FSTL4: variants seen among roughly 807,000 people sequenced by gnomAD.
FSTL4 encodes the protein follistatin like 4, also known as follistatin-related protein 4.
FSTL4 carries 28 observed loss-of-function variants against 78.2 expected under a neutral mutation model. The ratio of observed to expected loss-of-function variants is 0.36; its 90% CI spans 0.27 to 0.49. The LOEUF (loss-of-function observed/expected upper bound fraction) is 0.49. FSTL4 is among the 20% of genes least tolerant of loss of function. The probability of loss-of-function intolerance (pLI) is 0.98; values close to 1 mark genes in which losing one functional copy is unlikely to be tolerated. For missense variants in FSTL4, 922 were observed against 1,084.9 expected (o/e 0.85, Z 2.11); for synonymous variants, 422 against 440.5 (o/e 0.96, Z 0.53).
the FSTL4 span, among the ~76,000 whole-genome samples, chr5:133,649,364 T>C: frequency 6.6e-6 from 1 of 152,178 alleles, no homozygotes; most frequent in African/African-American, 2.4e-5. Flanking sequence ...TCAGCTCCCT[T>C]GAGTAAATAC....
chr5:133,516,019 C>T (rs1758844310), intron 3 of FSTL4, among the ~76,000 whole-genome samples: 1 of 151,616 alleles, frequency 6.6e-6, no homozygotes, highest in African/African-American at 2.4e-5. Flanking sequence ...TAAAGAATAC[C>T]AAATCAAACC....
intron 6 of FSTL4, among the ~76,000 whole-genome samples, chr5:133,285,774 A>T (rs1161237069): frequency 6.6e-6 from 1 of 152,210 alleles, no homozygotes; most frequent in Non-Finnish European, 1.5e-5. Context: ...CCCCAGCTGC[A>T]CCCAGCTCAG....
At chr5:133,553,976 T>C (rs1185873170) in intron 3 of FSTL4, among the ~76,000 whole-genome samples, 1 of 152,082 alleles carries the variant, frequency 6.6e-6, no homozygotes, top group Non-Finnish European at 1.5e-5. Flanking sequence ...CCCAAATCCC[T>C]CCTCTGCTAC....
At chr5:133,310,317 T>C (rs971738360) in intron 6 of FSTL4, among the ~76,000 whole-genome samples, 6 of 152,240 alleles carry the variant, frequency 3.9e-5, no homozygotes, top group Non-Finnish European at 1.5e-5. Flanking sequence ...ATGATGATTA[T>C]AAAGCTTTCC....
Position 133,555,662 on chromosome 5 carries a change from A to T in FSTL4, c.160+11524T>A, listed in dbSNP as rs187785303. 5.2e-3 allele frequency among the ~76,000 whole-genome samples: 799 copies of T among 152,200 alleles called. 6 individuals are homozygous for T. Among genetic ancestry groups the T allele is most frequent in the African/African-American group, 0.019 (779 of 41,532 alleles). On this transcript the variant is annotated intron_variant, in intron 3 of 15. Coordinates refer to ENST00000265342, the MANE Select transcript of FSTL4 (RefSeq NM_015082.2). The stretch of plus-strand genomic sequence containing the variant: ...ACAGCTTTACAGGCCTACTGTTTTT[A>T]AAAAATAAACACACACACACAAAAC...
rs78174955 is a variant in FSTL4, at chr5:133,298,710, G to A, written c.727+13944C>T. ...CTCAGCCATGGTGCTGATTCATGTGGCACCTGCGGGGGTGTCTCAGTTCGC... is the reference window on the plus strand; with the variant it reads ...CTCAGCCATGGTGCTGATTCATGTGACACCTGCGGGGGTGTCTCAGTTCGC... On this transcript the variant is annotated intron_variant, in intron 6 of 15. Transcript: ENST00000265342. Among the ~76,000 whole-genome samples the A allele has an allele frequency of 4.5e-4, 68 of 152,344 alleles. No individual in the cohort carries two copies. In the East Asian group the frequency reaches 0.013, roughly 28 times the overall value.
At chr5:133,450,696 T>C (rs1444117305) in intron 3 of FSTL4, among the ~76,000 whole-genome samples, 1 of 152,212 alleles carries the variant, frequency 6.6e-6, no homozygotes, top group Non-Finnish European at 1.5e-5. Flanking sequence ...CAACAGGAGA[T>C]GGTACTTTTC....
chr5:133,789,836 T>C, the FSTL4 span, among the ~76,000 whole-genome samples: 3 of 152,314 alleles, frequency 2.0e-5, no homozygotes, highest in East Asian at 3.9e-4. Flanking sequence ...ATGAATTTTA[T>C]TGGATTAGGG....
intron 3 of FSTL4, among the ~76,000 whole-genome samples, chr5:133,547,812 T>G (rs1759614613): frequency 6.6e-6 from 1 of 152,160 alleles, no homozygotes; most frequent in Admixed American, 6.5e-5. Context: ...ACCTCTTTTT[T>G]TAAAAAAATA....
intron 3 of FSTL4, among the ~76,000 whole-genome samples, chr5:133,491,907 GTATT>G (rs775447291): frequency 1.1e-4 from 17 of 152,102 alleles, no homozygotes; most frequent in Middle Eastern, 3.4e-3. Flanking sequence ...CTTAATTTGA[GTATT>G]TATTTAATAT....
chr5:133,656,603 G>T, the FSTL4 span, among the ~76,000 whole-genome samples: 27 of 152,262 alleles, frequency 1.8e-4, 2 homozygotes, highest in East Asian at 3.9e-4. Flanking sequence ...TCACAGGAGA[G>T]AACAGGCTTG....
At chr5:133,714,362 G>A in the FSTL4 span, among the ~76,000 whole-genome samples, 3 of 152,124 alleles carry the variant, frequency 2.0e-5, no homozygotes, top group African/African-American at 7.2e-5. Flanking sequence ...TGACAAATGT[G>A]AGAGCTCAAA....
intron 3 of FSTL4, among the ~76,000 whole-genome samples, chr5:133,405,838 A>G (rs1756351183): frequency 6.6e-6 from 1 of 152,136 alleles, no homozygotes; most frequent in East Asian, 1.9e-4. Flanking sequence ...TGCCATGTCT[A>G]CCCTAAGATG....
the FSTL4 span, among the ~76,000 whole-genome samples, chr5:133,744,379 T>G: frequency 2.0e-5 from 3 of 152,210 alleles, no homozygotes; most frequent in Non-Finnish European, 4.4e-5. Flanking sequence ...GCCCAGCTCC[T>G]GCTGTGTGAT....
At chr5:133,757,398 A>G in the FSTL4 span, among the ~76,000 whole-genome samples, 1 of 152,174 alleles carries the variant, frequency 6.6e-6, no homozygotes, top group African/African-American at 2.4e-5. Context: ...AACCAGCTGT[A>G]TTTCAGTGCT....
intron 3 of FSTL4, among the ~76,000 whole-genome samples, chr5:133,461,754 A>T (rs1757598463): frequency 6.6e-6 from 1 of 152,226 alleles, no homozygotes; most frequent in Admixed American, 6.5e-5. Context: ...CATTTATATG[A>T]TTTATCATGC....
chr5:133,482,847 A>T (rs1043638638), intron 3 of FSTL4, among the ~76,000 whole-genome samples: 1 of 151,920 alleles, frequency 6.6e-6, no homozygotes, highest in Non-Finnish European at 1.5e-5. Context: ...CCTGGGAATG[A>T]TGACTCCTGG....
intron 2 of FSTL4, among the ~76,000 whole-genome samples, chr5:133,572,385 C>A (rs866752937): frequency 6.6e-6 from 1 of 151,192 alleles, no homozygotes; most frequent in Non-Finnish European, 1.5e-5. Context: ...AGCATAGTAC[C>A]CACCATCTTT....
chr5:133,238,329 G>A (rs1041438288), intron 7 of FSTL4, among the ~76,000 whole-genome samples: 3 of 152,168 alleles, frequency 2.0e-5, no homozygotes, highest in African/African-American at 7.2e-5. Flanking sequence ...TGGGAGGAGG[G>A]AGCAAAGGGG....
Sources: allele counts gnomAD v4.1 joint callset (sites outside exome capture counted in the v4.1 genomes callset), GRCh38; gene constraint gnomAD v4.1.1; transcripts MANE v1.5; gene names NCBI Gene and HGNC (gene_info 2026-07-23, HGNC 2026-07-21).